The following SPRED1 variants were observed in gnomAD, a reference collection of about 807,000 sequenced individuals.
SPRED1 encodes sprouty-related, EVH1 domain-containing protein 1.
SPRED1 carries 18 observed loss-of-function variants against 52.3 expected under a neutral mutation model. The ratio of observed to expected loss-of-function variants is 0.34; its 90% confidence interval spans 0.24 to 0.51. SPRED1 has a LOEUF of 0.51. SPRED1 is among the 20% of genes least tolerant of loss of function. SPRED1 has a pLI of 0.97. For synonymous variants in SPRED1, 155 were observed against 179.7 expected, an observed-to-expected ratio of 0.86 and a Z score of 1.10; for missense variants, 485 against 551.0, an observed-to-expected ratio of 0.88 and a Z score of 1.20.
In SPRED1 at chr15:38,278,828, G is replaced by GTTTT. The variant is rs765637726; in HGVS notation, c.33-20533_33-20530dup. Among the ~76,000 whole-genome samples, 4 of 118,248 alleles carry GTTTT rather than the reference G, an allele frequency of 3.4e-5. 1 individual carries two copies. The highest frequency in any genetic ancestry group is 1.7e-5 in the Non-Finnish European group (1 of 59,816). 77.6% of individuals were successfully genotyped at this position (118,248 alleles called of 152,430 possible). On this transcript the variant is annotated intron_variant, in intron 1 of 6. Transcript: ENST00000299084. ...ACAACCATTATAACCTAACTACACT[G>GTTTT]TTTTTTTTTTTTTTTGTGAAATGAA...
chr15:38,267,473 C>G (rs1894333894), intron 1 of SPRED1, among the ~76,000 whole-genome samples: 1 of 152,032 alleles, frequency 6.6e-6, no homozygotes. Flanking sequence ...TATGAACTGC[C>G]ACTTCTGAAA....
intron 4 of SPRED1, among the ~76,000 whole-genome samples, chr15:38,335,170 A>T (rs539333300): frequency 4.6e-5 from 7 of 152,018 alleles, no homozygotes; most frequent in Admixed American, 2.0e-4. Context: ...GCTCATTTCT[A>T]TGTACTGTGT....
At chr15:38,258,057 A>G (rs1202986250) in intron 1 of SPRED1, among the ~76,000 whole-genome samples, 3 of 152,242 alleles carry the variant, frequency 2.0e-5, no homozygotes, top group Admixed American at 6.5e-5. Context: ...CACCCCATGT[A>G]AGAGTAGTAG....
At chr15:38,277,921 AGT>A (rs1016500989) in intron 1 of SPRED1, among the ~76,000 whole-genome samples, 22 of 147,848 alleles carry the variant, frequency 1.5e-4, no homozygotes, top group African/African-American at 4.2e-4. Flanking sequence ...TTTTTTTTTA[AGT>A]GTCTTCATAC....
chr15:38,330,828 G>A (rs1895793087), intron 4 of SPRED1, among the ~76,000 whole-genome samples: 1 of 152,034 alleles, frequency 6.6e-6, no homozygotes, highest in Non-Finnish European at 1.5e-5. Context: ...TGTCGACTGT[G>A]ATATCCCTTT....
At chr15:38,278,508 C>T (rs543756378) in intron 1 of SPRED1, among the ~76,000 whole-genome samples, 1 of 152,260 alleles carries the variant, frequency 6.6e-6, no homozygotes, top group African/African-American at 2.4e-5. Flanking sequence ...AAGAAATTAT[C>T]ACTCCTTTTT....
intron 5 of SPRED1, among the ~76,000 whole-genome samples, chr15:38,345,326 T>A (rs190247681): frequency 6.6e-6 from 1 of 152,338 alleles, no homozygotes; most frequent in East Asian, 1.9e-4. Flanking sequence ...AATAGGTCTT[T>A]ATGAGATCAT....
chr15:38,299,780 G>C (rs904764588), intron 2 of SPRED1, among the ~76,000 whole-genome samples: 15 of 151,926 alleles, frequency 9.9e-5, no homozygotes, highest in Admixed American at 9.8e-4. Context: ...GCTTAATGCA[G>C]GAGTTAATAA....
chr15:38,347,197 G>A (rs1896156224), intron 5 of SPRED1, among the ~76,000 whole-genome samples: 1 of 151,886 alleles, frequency 6.6e-6, no homozygotes, highest in South Asian at 2.1e-4. Flanking sequence ...ACTTTAATTT[G>A]ATTTCTCTTC....
intron 4 of SPRED1, among the ~76,000 whole-genome samples, chr15:38,337,159 G>A (rs1595755139): frequency 6.6e-6 from 1 of 152,030 alleles, no homozygotes; most frequent in East Asian, 1.9e-4. Flanking sequence ...TTTTACTTCT[G>A]TGTGTGTAGA....
intron 1 of SPRED1, among the ~76,000 whole-genome samples, chr15:38,256,555 T>A (rs2140945791): frequency 6.6e-6 from 1 of 152,276 alleles, no homozygotes; most frequent in South Asian, 2.1e-4. Flanking sequence ...ACACTTCCTG[T>A]GTCAGTATTA....
intron 1 of SPRED1, among the ~76,000 whole-genome samples, chr15:38,263,739 C>T (rs984852101): frequency 1.8e-4 from 27 of 152,070 alleles, no homozygotes; most frequent in African/African-American, 6.5e-4. Flanking sequence ...CTTTTGGCTT[C>T]CCTGGTCTAC....
rs1888531914 is a variant in SPRED1, at chr15:38,353,184, T to C, written c.*1520T>C. 1 of 152,478 alleles carries C rather than the reference T, an allele frequency of 6.6e-6. No homozygotes were observed. Among genetic ancestry groups the C allele is most frequent in the African/African-American group, 2.4e-5 (1 of 41,438 alleles). 9.4% of individuals were successfully genotyped at this position (152,478 alleles called of 1,614,324 possible). ...GTTTCAGAGGTGATAAAAATTAAAA[T>C]CACACTACTATTTGAAGCTCATTTT... On this transcript the variant is annotated 3_prime_UTR_variant, in exon 7 of 7. Transcript: ENST00000299084.
At position 38,351,545 on chromosome 15, in the gene SPRED1, G is replaced by T; in HGVS notation, c.1216G>T (p.Ala406Ser). The T allele has an allele frequency of 6.2e-7, 1 of 1,614,140 alleles. No individual in the cohort carries two copies. The highest frequency in any genetic ancestry group is 1.1e-5 in the South Asian group (1 of 91,078). Residue 406 changes from alanine to serine, a missense_variant, in exon 7 of 7, where the codon GCC (alanine) becomes TCC (serine). Ala to Ser is a moderately conservative substitution (Grantham distance 99). Coordinates refer to ENST00000299084, the MANE Select transcript of SPRED1 (RefSeq NM_152594.3). ...SDDKFCLRWLALVALSFIVPC... is the reference protein window; with the variant it reads ...SDDKFCLRWLSLVALSFIVPC... ...CGACAAGTTCTGCTTGCGATGGTTAGCCCTGGTAGCTTTGTCTTTCATTGT... is the reference window on the plus strand; with the variant it reads ...CGACAAGTTCTGCTTGCGATGGTTATCCCTGGTAGCTTTGTCTTTCATTGT...
intron 3 of SPRED1, among the ~76,000 whole-genome samples, 159 bp from the exon 4 acceptor site, chr15:38,324,603 CA>C (rs765313507): frequency 1.3e-5 from 2 of 152,164 alleles, no homozygotes; most frequent in African/African-American, 4.8e-5. Context: ...ATTATTCTAA[CA>C]GGGGCAAATG....
chr15:38,349,587 C>G (rs1181594157), intron 6 of SPRED1, 64 bp downstream of exon 6: 8 of 369,388 alleles, frequency 2.2e-5, no homozygotes, highest in Non-Finnish European at 3.3e-5. Flanking sequence ...GTAAAGTTTT[C>G]CAGTCTTTCT....
At chr15:38,337,049 A>T (rs1391796746) in intron 4 of SPRED1, among the ~76,000 whole-genome samples, 1 of 152,174 alleles carries the variant, frequency 6.6e-6, no homozygotes, top group East Asian at 1.9e-4. Flanking sequence ...AGTGGTCAAA[A>T]TGTGTGAATG....
intron 2 of SPRED1, among the ~76,000 whole-genome samples, chr15:38,317,432 G>A (rs1028631595): frequency 6.6e-6 from 1 of 151,848 alleles, no homozygotes; most frequent in African/African-American, 2.4e-5. Context: ...TAATTCACTT[G>A]GTAATATGGC....
rs773539136 is a variant in SPRED1 at position 38,283,650 on chromosome 15, A to G, written c.33-15723A>G. On this transcript the variant is annotated intron_variant, in intron 1 of 6. Transcript: ENST00000299084. ...TTATATAAGTGAAGCTGAGAGTGTG[A>G]TATGAGTGGCTGTTTTCCTTTCCAG... 7.6e-4 allele frequency: 259 copies of G among 340,252 alleles called. 1 individual carries two copies. The highest frequency in any genetic ancestry group is 9.4e-4 in the Non-Finnish European group (225 of 240,340). 21.1% of individuals were successfully genotyped at this position (340,252 alleles called of 1,614,324 possible). A position where few individuals can be genotyped will look rare whatever the true frequency, so the allele number is the denominator to read the frequency against.
Sources: allele counts gnomAD v4.1 joint callset (sites outside exome capture counted in the v4.1 genomes callset), GRCh38; gene constraint gnomAD v4.1.1; transcripts MANE v1.5; gene names NCBI Gene and HGNC (gene_info 2026-07-23, HGNC 2026-07-21).